Variants in DOCK4 observed in about 807,000 individuals in gnomAD.
The protein encoded by DOCK4 is dedicator of cytokinesis 4, also known as dedicator of cytokinesis protein 4.
In DOCK4, 97 loss-of-function variants were observed where a neutral mutation model predicts 268.1. The ratio of observed to expected loss-of-function variants is 0.36; its 90% CI spans 0.31 to 0.43. The LOEUF (loss-of-function observed/expected upper bound fraction) is 0.43. DOCK4 is among the 20% of genes least tolerant of loss of function. The probability of loss-of-function intolerance (pLI) is 1.00; values close to 1 mark genes in which losing one functional copy is unlikely to be tolerated. For synonymous variants in DOCK4, 954 were observed against 887.2 expected (o/e 1.08, Z -1.34); for missense variants, 2,145 against 2,455.7 (o/e 0.87, Z 2.67).
chr7:111,932,883 T>C (rs1794314238), intron 12 of DOCK4, among the ~76,000 whole-genome samples: 1 of 151,888 alleles, frequency 6.6e-6, no homozygotes, highest in Non-Finnish European at 1.5e-5. Flanking sequence ...AATGACAAAA[T>C]GATGGTCACT....
chr7:111,774,897 A>C lies in DOCK4; in HGVS notation c.3679+3379T>G, dbSNP rs189710147. ...TGTGGCGCAAAAGCAGCAATACACAATACACAAATAAGTGGGCACGGGTGA... is the reference window on the plus strand; with the variant it reads ...TGTGGCGCAAAAGCAGCAATACACACTACACAAATAAGTGGGCACGGGTGA... On this transcript the variant is annotated intron_variant, in intron 36 of 52. Transcript: ENST00000428084. 8.4e-3 allele frequency among the ~76,000 whole-genome samples: 1,281 copies of C among 152,312 alleles called. 8 individuals are homozygous for C. Among genetic ancestry groups the C allele is most frequent in the Middle Eastern group, 0.017 (5 of 294 alleles).
At chr7:112,067,654 G>T (rs1807198476) in intron 1 of DOCK4, among the ~76,000 whole-genome samples, 1 of 152,212 alleles carries the variant, frequency 6.6e-6, no homozygotes, top group Admixed American at 6.5e-5. Context: ...AATGGGCAGA[G>T]ATGAGTTTCC....
chr7:111,887,730 GGAA>G (rs1807964298), intron 16 of DOCK4, among the ~76,000 whole-genome samples: 1 of 150,798 alleles, frequency 6.6e-6, no homozygotes, highest in African/African-American at 2.5e-5. Flanking sequence ...TGACGGGAAG[GGAA>G]GAAGGAACAT....
Position 111,915,879 on chromosome 7 carries a change from C to T in DOCK4, c.1092G>A (p.Leu364=). 1 of 1,612,112 alleles carries T rather than the reference C, an allele frequency of 6.2e-7. No homozygotes were observed. Among genetic ancestry groups the T allele is most frequent in the Non-Finnish European group, 8.5e-7 (1 of 1,179,108 alleles). ...NAGLAVSLQL[L]HGDIEQIRRE... Reference sequence around the variant, plus strand: ...TTCTGATTTGTTCAATGTCTCCGTGCAATAGCTGTAAGGAAACTGCTAAAC... The same window carrying T: ...TTCTGATTTGTTCAATGTCTCCGTGTAATAGCTGTAAGGAAACTGCTAAAC... The change falls in exon 13 of 53, where the codon TTG becomes TTA. Residue 364 remains leucine (L), a synonymous_variant. Transcript: ENST00000428084.
chr7:111,856,666 A>C (rs574063765), intron 23 of DOCK4, among the ~76,000 whole-genome samples: 1 of 152,282 alleles, frequency 6.6e-6, no homozygotes, highest in South Asian at 2.1e-4. Flanking sequence ...GATGGTGAAC[A>C]CCTGGAAAGG....
chr7:112,167,487 T>G (rs1444408511), intron 1 of DOCK4, among the ~76,000 whole-genome samples: 1 of 152,186 alleles, frequency 6.6e-6, no homozygotes, highest in Non-Finnish European at 1.5e-5. Flanking sequence ...CTCACTTGAT[T>G]AAAGAATCTG....
rs533986023 is a variant in DOCK4, at chr7:111,994,017, C to T, written c.315+118G>A. 16 of 562,880 alleles carry T rather than the reference C, an allele frequency of 2.8e-5. No homozygotes were observed. The East Asian group carries it at 4.4e-4, about 16-fold the overall frequency. The allele number at this position is 562,880 out of a possible 1,614,324, so 34.9% of individuals were successfully genotyped here. A position where few individuals can be genotyped will look rare whatever the true frequency, so the allele number is the denominator to read the frequency against. On this transcript the variant is annotated intron_variant, in intron 5 of 52. Coordinates refer to ENST00000428084, the MANE Select transcript of DOCK4 (RefSeq NM_001363540.2). ...AGACTGTCTTGTTAATATCTATATCCCCAAGGAGTCCTGGAGACTTGCAGA... is the reference window on the plus strand; with the variant it reads ...AGACTGTCTTGTTAATATCTATATCTCCAAGGAGTCCTGGAGACTTGCAGA...
chr7:111,789,317 C>G (rs1799378118), intron 31 of DOCK4: 1 of 153,292 alleles, frequency 6.5e-6, no homozygotes, highest in Admixed American at 6.4e-5. Context: ...TTCCTGAAAA[C>G]TGTAGTCAAA....
chr7:112,008,501 A>C (rs992609411), intron 1 of DOCK4, among the ~76,000 whole-genome samples: 1 of 152,214 alleles, frequency 6.6e-6, no homozygotes, highest in Non-Finnish European at 1.5e-5. Context: ...AAACAGTCTC[A>C]AACACAACTC....
At chr7:112,161,357 C>T (rs190975774) in intron 1 of DOCK4, among the ~76,000 whole-genome samples, 6 of 152,220 alleles carry the variant, frequency 3.9e-5, no homozygotes, top group African/African-American at 1.4e-4. Flanking sequence ...AACCTGGATG[C>T]TAACAGCATG....
At chr7:112,158,195 T>C (rs1816792441) in intron 1 of DOCK4, among the ~76,000 whole-genome samples, 1 of 152,210 alleles carries the variant, frequency 6.6e-6, no homozygotes, top group African/African-American at 2.4e-5. Context: ...CTGATGCTTC[T>C]GGTCTTGGGA....
chr7:112,008,440 A>G (rs1801028297), intron 1 of DOCK4, among the ~76,000 whole-genome samples: 2 of 152,218 alleles, frequency 1.3e-5, no homozygotes, highest in African/African-American at 4.8e-5. Context: ...TTATATAATG[A>G]TATCAGTTTA....
intron 30 of DOCK4, among the ~76,000 whole-genome samples, chr7:111,793,974 G>A (rs991542932): frequency 6.6e-6 from 1 of 152,202 alleles, no homozygotes; most frequent in Non-Finnish European, 1.5e-5. Context: ...GCTAAGCTGA[G>A]TGGAAGAGGT....
intron 1 of DOCK4, among the ~76,000 whole-genome samples, chr7:112,023,072 TG>T (rs1012315126): frequency 6.6e-6 from 1 of 151,924 alleles, no homozygotes; most frequent in Admixed American, 6.6e-5. Flanking sequence ...GGATTACAGG[TG>T]CCCGCCACCA....
chr7:111,914,656 T>G (rs952682249), intron 13 of DOCK4, among the ~76,000 whole-genome samples: 2 of 152,154 alleles, frequency 1.3e-5, no homozygotes, highest in Admixed American at 1.3e-4. Context: ...CTCTACTGCC[T>G]TCTCACCTAA....
intron 2 of DOCK4, among the ~76,000 whole-genome samples, chr7:112,003,525 T>C (rs558008698): frequency 6.0e-4 from 91 of 152,356 alleles, no homozygotes; most frequent in Admixed American, 2.9e-3. Flanking sequence ...GCCTACTACA[T>C]AAATTAATAA....
chr7:112,068,457 C>A (rs1173515600), intron 1 of DOCK4, among the ~76,000 whole-genome samples: 1 of 152,082 alleles, frequency 6.6e-6, no homozygotes, highest in Non-Finnish European at 1.5e-5. Flanking sequence ...AGTTATTTAC[C>A]CTCTCTAAAC....
intron 12 of DOCK4, among the ~76,000 whole-genome samples, chr7:111,927,146 C>G (rs1793781434): frequency 6.6e-6 from 1 of 152,168 alleles, no homozygotes; most frequent in Admixed American, 6.5e-5. Context: ...TTCCTGAGAT[C>G]TTCGAAGTGG....
At chr7:111,817,021 C>G (rs1489681605) in intron 27 of DOCK4, among the ~76,000 whole-genome samples, 1 of 152,140 alleles carries the variant, frequency 6.6e-6, no homozygotes, top group Non-Finnish European at 1.5e-5. Context: ...GACCAGTACT[C>G]CACTGGGCAG....
Sources: allele counts gnomAD v4.1 joint callset (sites outside exome capture counted in the v4.1 genomes callset), GRCh38; gene constraint gnomAD v4.1.1; transcripts MANE v1.5; gene names NCBI Gene and HGNC (gene_info 2026-07-23, HGNC 2026-07-21).